The following RASGRF2 variants were observed in gnomAD, a reference collection of about 807,000 sequenced individuals.
RASGRF2 encodes ras-specific guanine nucleotide-releasing factor 2.
In RASGRF2, 76 loss-of-function variants were observed where a neutral mutation model predicts 151.0. That is an observed-to-expected ratio of 0.50 (90% confidence interval 0.42 to 0.61). The LOEUF is 0.61. Among genes scored for constraint, RASGRF2 ranks in the 20% least tolerant of loss-of-function variants. RASGRF2 has a pLI of 0.00. For synonymous variants in RASGRF2, 504 were observed against 566.5 expected, an observed-to-expected ratio of 0.89 and a Z score of 1.57; for missense variants, 1,148 against 1,564.6, an observed-to-expected ratio of 0.73 and a Z score of 4.49.
intron 1 of RASGRF2, among the ~76,000 whole-genome samples, chr5:80,961,953 T>C (rs1747574029): frequency 6.6e-6 from 1 of 152,208 alleles, no homozygotes; most frequent in African/African-American, 2.4e-5. Context: ...CCCACCTTGA[T>C]ATGAAAAAGG....
chr5:81,026,163 TCTTCCTCC>T (rs56087457), intron 1 of RASGRF2, among the ~76,000 whole-genome samples: 70,974 of 144,048 alleles, frequency 0.49, 17,572 homozygotes, highest in Middle Eastern at 0.69. Context: ...TCCCTCCCTC[TCTTCCTCC>T]CTTCCTCCCT....
chr5:81,119,756 G>A (rs964598309), intron 15 of RASGRF2, among the ~76,000 whole-genome samples: 34 of 152,210 alleles, frequency 2.2e-4, no homozygotes, highest in African/African-American at 8.0e-4. Context: ...CAGTATGGCC[G>A]AAATATTAGG....
intron 15 of RASGRF2, chr5:81,114,775 T>C (rs1409023022): frequency 6.6e-6 from 1 of 152,312 alleles, no homozygotes; most frequent in Non-Finnish European, 1.5e-5. Context: ...ACTTTTGCCA[T>C]GTAAGCTCCA....
At chr5:81,016,569 A>C (rs962156786) in intron 1 of RASGRF2, among the ~76,000 whole-genome samples, 1 of 152,226 alleles carries the variant, frequency 6.6e-6, no homozygotes, top group Non-Finnish European at 1.5e-5. Flanking sequence ...CTGTTGTGGG[A>C]GAAAACCACA....
In RASGRF2 at chr5:80,960,912, G is replaced by A; in HGVS notation, c.174G>A (p.Gln58=). 6.2e-7 allele frequency: 1 copy of A among 1,605,522 alleles called. No homozygotes were observed. The highest frequency in any genetic ancestry group is 8.5e-7 in the Non-Finnish European group (1 of 1,173,998). The change falls in exon 1 of 27, where the codon CAG becomes CAA. Residue 58 remains glutamine, a synonymous_variant. Coordinates refer to ENST00000265080, the MANE Select transcript of RASGRF2 (RefSeq NM_006909.3). The surrounding 1 kb of genome is among the most constrained non-coding windows in gnomAD (Gnocchi z 5.5). The part of the protein sequence containing the change: ...QNVLFYFEGE[Q]SCRPAGMYLL... Reference sequence around the variant, plus strand: ...TGCTCTTCTACTTCGAGGGCGAGCAGAGCTGCCGCCCGGCGGGCATGTACC... The same window carrying A: ...TGCTCTTCTACTTCGAGGGCGAGCAAAGCTGCCGCCCGGCGGGCATGTACC...
chr5:81,071,521 T>C (rs968128938), intron 4 of RASGRF2, among the ~76,000 whole-genome samples: 1 of 152,174 alleles, frequency 6.6e-6, no homozygotes, highest in East Asian at 1.9e-4. Flanking sequence ...TAAATTATAT[T>C]TTATATTCTT....
At chr5:81,107,594 G>C (rs529094789) in intron 12 of RASGRF2, among the ~76,000 whole-genome samples, 1 of 152,272 alleles carries the variant, frequency 6.6e-6, no homozygotes, top group African/African-American at 2.4e-5. Context: ...TCAACATAAA[G>C]TATGTGTGGT....
At chr5:81,017,099 A>G (rs994669590) in intron 1 of RASGRF2, among the ~76,000 whole-genome samples, 6 of 152,218 alleles carry the variant, frequency 3.9e-5, no homozygotes, top group African/African-American at 1.4e-4. Flanking sequence ...GGGCAAAAAA[A>G]GGAGAGAAAG....
At chr5:81,146,180 C>T (rs34116) in intron 17 of RASGRF2, among the ~76,000 whole-genome samples, 95,885 of 152,036 alleles carry the variant, frequency 0.63, 30,518 homozygotes, top group East Asian at 0.81. Flanking sequence ...ACTCATTTTT[C>T]TCTGCTGTTT....
chr5:81,094,340 G>T lies in RASGRF2; in HGVS notation c.1596G>T (p.Glu532Asp). Residue 532 changes from glutamate (E) to aspartate (D), a missense_variant, in exon 11 of 27, where the codon GAG becomes GAT. Physicochemically the swap from Glu to Asp is conservative, Grantham distance 45. This residue lies in a region of RASGRF2 where 646 missense variants were observed against 807.4 expected (regional missense o/e 0.80). Coordinates refer to ENST00000265080, the MANE Select transcript of RASGRF2 (RefSeq NM_006909.3). Reference protein sequence around the residue: ...LSLIDCTLIEEPDASDDDSKG... With the variant: ...LSLIDCTLIEDPDASDDDSKG... ...TAATAGACTGCACATTGATTGAGGAGCCAGATGCAAGCGATGATGACTGTA... is the reference window on the plus strand; with the variant it reads ...TAATAGACTGCACATTGATTGAGGATCCAGATGCAAGCGATGATGACTGTA... The T allele has an allele frequency of 1.2e-6, 2 of 1,613,264 alleles. No homozygotes were observed. Among genetic ancestry groups the T allele is most frequent in the South Asian group, 2.2e-5 (2 of 90,872 alleles).
chr5:81,132,487 A>G (rs2112582985), intron 17 of RASGRF2, among the ~76,000 whole-genome samples: 1 of 152,252 alleles, frequency 6.6e-6, no homozygotes, highest in Non-Finnish European at 1.5e-5. Context: ...TGTGTTTAGT[A>G]TCACTTTTTT....
intron 1 of RASGRF2, among the ~76,000 whole-genome samples, chr5:80,967,586 G>A (rs1021018329): frequency 3.3e-5 from 5 of 152,126 alleles, no homozygotes; most frequent in Non-Finnish European, 7.4e-5. Flanking sequence ...GTACTGAAGT[G>A]TTTCATTTTG....
At chr5:81,215,122 C>T (rs370437890) in intron 23 of RASGRF2, among the ~76,000 whole-genome samples, 2 of 151,972 alleles carry the variant, frequency 1.3e-5, no homozygotes, top group East Asian at 1.9e-4. Flanking sequence ...GCAGATCACT[C>T]GAGGTCAGGA....
intron 17 of RASGRF2, among the ~76,000 whole-genome samples, chr5:81,133,039 G>T (rs1753664363): frequency 6.6e-6 from 1 of 152,168 alleles, no homozygotes; most frequent in Admixed American, 6.5e-5. Flanking sequence ...ATGCTGGGGA[G>T]TGAGGGTGGG....
At chr5:81,147,346 G>C (rs995909857) in intron 17 of RASGRF2, among the ~76,000 whole-genome samples, 1 of 152,038 alleles carries the variant, frequency 6.6e-6, no homozygotes, top group African/African-American at 2.4e-5. Context: ...GCATTTCGTG[G>C]TTTATGTAAC....
chr5:80,987,189 G>A (rs1309154919), intron 1 of RASGRF2, among the ~76,000 whole-genome samples: 1 of 152,160 alleles, frequency 6.6e-6, no homozygotes, highest in Non-Finnish European at 1.5e-5. Flanking sequence ...TTATGGGTCT[G>A]TCCTTTGCTT....
At chr5:81,101,823 T>G (rs1752706752) in intron 12 of RASGRF2, among the ~76,000 whole-genome samples, 1 of 152,192 alleles carries the variant, frequency 6.6e-6, no homozygotes, top group African/African-American at 2.4e-5. Flanking sequence ...AAGTGAAAAT[T>G]TCCTTTTATT....
chr5:81,142,175 T>C (rs979243817), intron 17 of RASGRF2, among the ~76,000 whole-genome samples: 1 of 152,190 alleles, frequency 6.6e-6, no homozygotes, highest in African/African-American at 2.4e-5. Context: ...TTGTACTGCA[T>C]TGATTTCCAA....
In RASGRF2 at chr5:81,127,146, G is replaced by A; in HGVS notation, c.2669G>A (p.Gly890Glu). The stretch of plus-strand genomic sequence containing the variant: ...TTTGCAATAGCCACAGCTGCAGCAG[G>A]ACATGGGAGTCCACCAGGTGAGTAG... ...SAFAIATAAA[G>E]HGSPPGFNNT... Residue 890 changes from glycine to glutamate, a missense_variant, in exon 17 of 27, where the codon GGA becomes GAA. Physicochemically the swap from Gly to Glu is moderately conservative, Grantham distance 98. Around this residue, in one of 5 missense-constraint regions of RASGRF2, gnomAD observed 646 missense variants for 807.4 expected, o/e 0.80. Coordinates refer to ENST00000265080, the MANE Select transcript of RASGRF2 (RefSeq NM_006909.3). 1 of 1,613,986 alleles carries A rather than the reference G, an allele frequency of 6.2e-7. No homozygotes were observed. The highest frequency in any genetic ancestry group is 8.5e-7 in the Non-Finnish European group (1 of 1,179,910).
Sources: allele counts gnomAD v4.1 joint callset (sites outside exome capture counted in the v4.1 genomes callset), GRCh38; gene constraint gnomAD v4.1.1; regional missense constraint gnomAD v4.1.1; non-coding constraint Gnocchi (gnomAD v3.1); transcripts MANE v1.5; gene names NCBI Gene and HGNC (gene_info 2026-07-23, HGNC 2026-07-21).